DOCK9: variants seen among roughly 807,000 people sequenced by gnomAD.
DOCK9 encodes the protein dedicator of cytokinesis protein 9.
DOCK9 carries 89 observed loss-of-function variants against 263.3 expected under a neutral mutation model. That is an observed-to-expected ratio of 0.34 (90% CI 0.28 to 0.40). The LOEUF (loss-of-function observed/expected upper bound fraction) is 0.40. Among genes scored for constraint, DOCK9 ranks in the 10% least tolerant of loss-of-function variants. The pLI is 1.00. For missense variants in DOCK9, 2,140 were observed against 2,603.4 expected, an observed-to-expected ratio of 0.82 and a Z score of 3.87; for synonymous variants, 976 against 973.1, an observed-to-expected ratio of 1.00 and a Z score of -0.06.
chr13:99,086,502 G>A (rs1051215857), exon 1 of DOCK9: 7 of 365,642 alleles, frequency 1.9e-5, no homozygotes, highest in South Asian at 1.0e-4. Flanking sequence ...CGCGAGTCCG[G>A]CCGCCGCAGC....
intron 1 of DOCK9, among the ~76,000 whole-genome samples, chr13:98,958,822 T>G (rs1040820515): frequency 4.6e-5 from 7 of 152,248 alleles, no homozygotes; most frequent in African/African-American, 1.7e-4. Context: ...ATTTAATGAT[T>G]TTTTTGCATC....
intron 1 of DOCK9, among the ~76,000 whole-genome samples, chr13:99,040,784 A>G (rs1888381624): frequency 6.6e-6 from 1 of 152,090 alleles, no homozygotes; most frequent in African/African-American, 2.4e-5. Context: ...TATTTGACCA[A>G]CCCCTTCCTG....
intron 1 of DOCK9, among the ~76,000 whole-genome samples, chr13:99,083,832 C>G (rs1188354829): frequency 6.6e-6 from 1 of 152,176 alleles, no homozygotes; most frequent in African/African-American, 2.4e-5. Context: ...TCATGACCAT[C>G]CACTCATCAA....
exon 1 of DOCK9, chr13:99,086,422 G>A (rs2042344851): frequency 1.1e-6 from 1 of 920,176 alleles, no homozygotes; most frequent in Non-Finnish European, 1.3e-6. Flanking sequence ...CGCCAGGTGC[G>A]CCCTCGGCGC....
At chr13:98,860,624 T>G in intron 32 of DOCK9, 102 bp from the exon 33 acceptor site, 1 of 1,097,130 alleles carries the variant, frequency 9.1e-7, no homozygotes, top group Non-Finnish European at 1.3e-6. Context: ...GACAGCCTGA[T>G]GCATTCAACG....
intron 1 of DOCK9, among the ~76,000 whole-genome samples, chr13:99,009,224 AG>A (rs1464716283): frequency 1.3e-5 from 2 of 152,354 alleles, no homozygotes; most frequent in African/African-American, 4.8e-5. Context: ...TGCACTCAAA[AG>A]CAGCCACAAT....
chr13:99,004,158 T>C (rs948102018), intron 1 of DOCK9, among the ~76,000 whole-genome samples: 2 of 152,178 alleles, frequency 1.3e-5, no homozygotes, highest in African/African-American at 4.8e-5. Flanking sequence ...GTGCTTGTGG[T>C]ACCTGTGCTT....
intron 45 of DOCK9, among the ~76,000 whole-genome samples, chr13:98,817,713 A>C (rs1566587802): frequency 2.6e-5 from 4 of 150,972 alleles, no homozygotes; most frequent in Admixed American, 1.3e-4. Flanking sequence ...TATATGATAT[A>C]ATGTATGTAC....
intron 15 of DOCK9, among the ~76,000 whole-genome samples, chr13:98,894,957 C>CAAAAAAAAAAA (rs71114557): frequency 5.5e-5 from 4 of 73,386 alleles, no homozygotes; most frequent in East Asian, 5.2e-4. Context: ...TACTAAAATA[C>CAAAAAAAAAAA]AAAAAAAAAA....
chr13:98,845,643 C>T (rs750457775), intron 38 of DOCK9, among the ~76,000 whole-genome samples: 4 of 152,196 alleles, frequency 2.6e-5, no homozygotes, highest in Admixed American at 1.3e-4. Flanking sequence ...TTCTTGAGAA[C>T]GGCTGGCTAT....
intron 2 of DOCK9, among the ~76,000 whole-genome samples, chr13:98,934,402 G>C (rs2054481969): frequency 6.6e-6 from 1 of 152,192 alleles, no homozygotes; most frequent in African/African-American, 2.4e-5. Flanking sequence ...TGTGAGTGAA[G>C]AACCATCTTG....
intron 1 of DOCK9, among the ~76,000 whole-genome samples, chr13:99,040,102 C>T (rs1262325609): frequency 6.6e-6 from 1 of 152,078 alleles, no homozygotes; most frequent in African/African-American, 2.4e-5. Flanking sequence ...TGACTAAGCC[C>T]CAGGAATAGT....
intron 1 of DOCK9, among the ~76,000 whole-genome samples, chr13:98,975,423 G>C (rs2060161033): frequency 6.6e-6 from 1 of 150,776 alleles, no homozygotes; most frequent in Non-Finnish European, 1.5e-5. Context: ...CGTGTTCTGG[G>C]AGAAAATCAA....
At chr13:98,799,025 T>C (rs892994620) in intron 50 of DOCK9, among the ~76,000 whole-genome samples, 2 of 152,184 alleles carry the variant, frequency 1.3e-5, no homozygotes, top group African/African-American at 2.4e-5. Flanking sequence ...CTACAGAAAA[T>C]TGTGGCCTCT....
At chr13:98,898,880 A>G (rs933921598) in intron 13 of DOCK9, among the ~76,000 whole-genome samples, 4 of 152,176 alleles carry the variant, frequency 2.6e-5, no homozygotes, top group Admixed American at 6.5e-5. Context: ...TGTACAATGA[A>G]GCTTATTTGC....
intron 12 of DOCK9, 127 bp downstream of exon 12, chr13:98,902,161 T>A (rs1390766187): frequency 1.2e-5 from 13 of 1,057,178 alleles, no homozygotes; most frequent in Non-Finnish European, 1.6e-5. Flanking sequence ...TAATAATAAA[T>A]ACTATTAATT....
At chr13:98,869,125 T>A (rs1268434359) in intron 27 of DOCK9, among the ~76,000 whole-genome samples, 3 of 152,178 alleles carry the variant, frequency 2.0e-5, no homozygotes, top group Non-Finnish European at 4.4e-5. Flanking sequence ...AAAATACGGA[T>A]TTTGATGACC....
At chr13:99,074,669 G>A (rs1205183935) in intron 1 of DOCK9, among the ~76,000 whole-genome samples, 1 of 152,194 alleles carries the variant, frequency 6.6e-6, no homozygotes, top group African/African-American at 2.4e-5. Context: ...TTGTTTTCAT[G>A]TGAATTCTTG....
intron 2 of DOCK9, among the ~76,000 whole-genome samples, chr13:98,954,291 G>GT (rs1377793896): frequency 6.6e-6 from 1 of 151,822 alleles, no homozygotes; most frequent in Non-Finnish European, 1.5e-5. Flanking sequence ...GGCTTAAATG[G>GT]TAACAGCATC....
Sources: gnomAD v4.1 joint callset for allele counts (sites outside exome capture counted in the v4.1 genomes callset) on GRCh38, gnomAD v4.1.1 for gene constraint, MANE v1.5 for transcripts, NCBI Gene and HGNC (gene_info 2026-07-23, HGNC 2026-07-21) for gene names.